NCKAP5: variants seen among roughly 807,000 people sequenced by gnomAD.
NCKAP5 encodes NCK associated protein 5, also known as nck-associated protein 5.
In NCKAP5, 92 loss-of-function variants were observed where a neutral mutation model predicts 167.0. That is an observed-to-expected ratio of 0.55 (90% CI 0.47 to 0.66). The LOEUF (loss-of-function observed/expected upper bound fraction) is 0.66. NCKAP5 is among the 30% of genes least tolerant of loss of function. The probability of loss-of-function intolerance (pLI) is 0.00; values close to 1 mark genes in which losing one functional copy is unlikely to be tolerated. For synonymous variants in NCKAP5, 891 were observed against 877.4 expected, an observed-to-expected ratio of 1.02 and a Z score of -0.27; for missense variants, 2,378 against 2,315.0, an observed-to-expected ratio of 1.03 and a Z score of -0.56.
chr2:133,500,822 T>A (rs1256497551), intron 3 of NCKAP5, among the ~76,000 whole-genome samples: 1 of 152,202 alleles, frequency 6.6e-6, no homozygotes, highest in East Asian at 1.9e-4. Flanking sequence ...CTATAAAATA[T>A]CTCTCTTCAC....
intron 6 of NCKAP5, among the ~76,000 whole-genome samples, chr2:133,070,407 C>T (rs1487030740): frequency 6.6e-6 from 1 of 152,128 alleles, no homozygotes; most frequent in African/African-American, 2.4e-5. Context: ...AGCCTCAATA[C>T]CTGCTCCCCA....
intron 3 of NCKAP5, among the ~76,000 whole-genome samples, chr2:133,318,574 G>C (rs1042590433): frequency 6.6e-6 from 1 of 152,306 alleles, no homozygotes; most frequent in South Asian, 2.1e-4. Flanking sequence ...TCCGATTCAG[G>C]AGAAAAGTTT....
At chr2:132,935,021 A>T (rs1490694658) in intron 8 of NCKAP5, among the ~76,000 whole-genome samples, 2 of 152,236 alleles carry the variant, frequency 1.3e-5, no homozygotes, top group African/African-American at 4.8e-5. Context: ...ACCAATCAGT[A>T]CATGGCTTTT....
the NCKAP5 span, among the ~76,000 whole-genome samples, chr2:133,646,639 A>T: frequency 6.6e-6 from 1 of 152,190 alleles, no homozygotes; most frequent in Non-Finnish European, 1.5e-5. Context: ...CAGCAACATG[A>T]TAGCATAAGA....
chr2:133,600,418 C>T, the NCKAP5 span, among the ~76,000 whole-genome samples: 6 of 152,290 alleles, frequency 3.9e-5, no homozygotes, highest in African/African-American at 4.8e-5. Context: ...TCAGTCCTGG[C>T]GCACACTGCA....
In NCKAP5 at chr2:133,300,308, G is replaced by A. The variant is rs1322845916; in HGVS notation, c.143+2729C>T. 9.1e-5 allele frequency among the ~76,000 whole-genome samples: 12 copies of A among 132,374 alleles called. 1 individual carries two copies. The highest frequency in any genetic ancestry group is 1.7e-4 in the Non-Finnish European group (11 of 63,356). 86.8% of individuals were successfully genotyped at this position (132,374 alleles called of 152,430 possible). Reference sequence around the variant, plus strand: ...CCAGCATCATTCTGATACCAAAGCCGGGCAGAGACACAACCAAAAAAGAGA... The same window carrying A: ...CCAGCATCATTCTGATACCAAAGCCAGGCAGAGACACAACCAAAAAAGAGA... On this transcript the variant is annotated intron_variant, in intron 4 of 19. Coordinates refer to ENST00000409261, the MANE Select transcript of NCKAP5 (RefSeq NM_207363.3).
intron 3 of NCKAP5, among the ~76,000 whole-genome samples, chr2:133,366,051 AG>A (rs1318038734): frequency 1.3e-5 from 2 of 152,232 alleles, no homozygotes; most frequent in Non-Finnish European, 2.9e-5. Flanking sequence ...GCACATTAAA[AG>A]AATAGGGGAA....
At chr2:132,926,595 C>T (rs1021155368) in intron 8 of NCKAP5, among the ~76,000 whole-genome samples, 1 of 152,120 alleles carries the variant, frequency 6.6e-6, no homozygotes, top group African/African-American at 2.4e-5. Context: ...GATAATATCT[C>T]ATTGTGGTTT....
intron 8 of NCKAP5, among the ~76,000 whole-genome samples, chr2:132,929,324 T>C (rs1483336413): frequency 6.6e-6 from 1 of 152,240 alleles, no homozygotes. Context: ...CTTTTCTTGC[T>C]CTAACACTAT....
chr2:132,961,710 T>C lies in NCKAP5; in HGVS notation c.579+2010A>G, dbSNP rs976395403. Among the ~76,000 whole-genome samples, 10 of 152,208 alleles carry C rather than the reference T, an allele frequency of 6.6e-5. No homozygotes were observed. The East Asian group carries it at 1.5e-3, about 23-fold the overall frequency. ...AACATTCGCTGCCAAATACATTTTT[T>C]AAAGACCTCTTAGCTTAATGAAATA... On this transcript the variant is annotated intron_variant, in intron 8 of 19. Coordinates refer to ENST00000409261, the MANE Select transcript of NCKAP5 (RefSeq NM_207363.3).
At chr2:132,994,404 T>G (rs537954645) in intron 6 of NCKAP5, among the ~76,000 whole-genome samples, 165 bp from the exon 7 acceptor site, 7 of 152,358 alleles carry the variant, frequency 4.6e-5, no homozygotes, top group African/African-American at 1.7e-4. Flanking sequence ...TGAAGTCCTT[T>G]GCAACCATTC....
At chr2:133,021,102 T>C (rs1030428835) in intron 6 of NCKAP5, among the ~76,000 whole-genome samples, 4 of 152,248 alleles carry the variant, frequency 2.6e-5, no homozygotes, top group Non-Finnish European at 5.9e-5. Context: ...TTTTTATTTA[T>C]GTTAGGGGAA....
rs1025934710 is a variant in NCKAP5 at position 133,342,122 on chromosome 2, G to A, written c.70-39012C>T. Among the ~76,000 whole-genome samples, 18 of 152,140 alleles carry A rather than the reference G, an allele frequency of 1.2e-4. 1 individual carries two copies. The highest frequency in any genetic ancestry group is 1.1e-3 in the Admixed American group (17 of 15,272). ...CCCAGCTAATTTTTTTGTATTTTTA[G>A]TAGAGATGGGGTTTCACCATGTTAG... On this transcript the variant is annotated intron_variant, in intron 3 of 19. Coordinates refer to ENST00000409261, the MANE Select transcript of NCKAP5 (RefSeq NM_207363.3).
intron 11 of NCKAP5, among the ~76,000 whole-genome samples, chr2:132,834,624 C>T (rs560555985): frequency 9.2e-5 from 14 of 152,204 alleles, no homozygotes; most frequent in East Asian, 1.9e-4. Flanking sequence ...GGATTACAGG[C>T]GTGAGCCACC....
chr2:132,901,698 G>A (rs892853184), intron 8 of NCKAP5, among the ~76,000 whole-genome samples: 2 of 152,142 alleles, frequency 1.3e-5, no homozygotes, highest in Non-Finnish European at 2.9e-5. Context: ...TCCTAGAATT[G>A]TTAACTTTTA....
At chr2:133,271,660 T>C (rs1241549648) in intron 4 of NCKAP5, among the ~76,000 whole-genome samples, 1 of 152,166 alleles carries the variant, frequency 6.6e-6, no homozygotes, top group African/African-American at 2.4e-5. Context: ...TATCATAGAT[T>C]GAAAGAGACG....
rs548474955 is a variant in NCKAP5, at chr2:133,426,993, G to A, written c.69+90465C>T. ...GATTGGGAGGGTAGCCAGGAAAGGCGGTCAGCAAATTTTCCCTGCAGCATT... is the reference window on the plus strand; with the variant it reads ...GATTGGGAGGGTAGCCAGGAAAGGCAGTCAGCAAATTTTCCCTGCAGCATT... On this transcript the variant is annotated intron_variant, in intron 3 of 19. Transcript: ENST00000409261. 7.9e-5 allele frequency among the ~76,000 whole-genome samples: 12 copies of A among 152,284 alleles called. No individual in the cohort carries two copies. The South Asian group carries it at 2.1e-3, about 26-fold the overall frequency.
At chr2:133,469,327 T>G (rs948799327) in intron 3 of NCKAP5, among the ~76,000 whole-genome samples, 1 of 152,014 alleles carries the variant, frequency 6.6e-6, no homozygotes, top group Non-Finnish European at 1.5e-5. Flanking sequence ...TTAAGAATGT[T>G]GAATATTGGC....
chr2:132,872,317 TCAGA>T (rs1423758641), intron 9 of NCKAP5, among the ~76,000 whole-genome samples: 1 of 152,286 alleles, frequency 6.6e-6, no homozygotes, highest in East Asian at 1.9e-4. Context: ...AAGAATTTTC[TCAGA>T]CAATCTAGCT....
Sources: gnomAD v4.1 joint callset for allele counts (sites outside exome capture counted in the v4.1 genomes callset) on GRCh38, gnomAD v4.1.1 for gene constraint, MANE v1.5 for transcripts, NCBI Gene and HGNC (gene_info 2026-07-23, HGNC 2026-07-21) for gene names.